The following ENTHD1 variants were observed in gnomAD, a reference collection of about 807,000 sequenced individuals.
ENTHD1 encodes ENTH domain containing 1.
In ENTHD1, 23 loss-of-function variants were observed where a neutral mutation model predicts 39.1. That is an observed-to-expected ratio of 0.59 (90% CI 0.42 to 0.83). The LOEUF is 0.83. Among genes scored for constraint, ENTHD1 ranks in the 40% least tolerant of loss-of-function variants. ENTHD1 has a pLI of 0.00. For synonymous variants in ENTHD1, 230 were observed against 258.2 expected, an observed-to-expected ratio of 0.89 and a Z score of 1.05; for missense variants, 624 against 705.4, an observed-to-expected ratio of 0.88 and a Z score of 1.31.
rs568240634 is a variant in ENTHD1 at position 39,854,643 on chromosome 22, C to T, written c.592+7122G>A. On this transcript the variant is annotated intron_variant, in intron 3 of 6. Transcript: ENST00000325157. Reference sequence around the variant, plus strand: ...CTCTTCCTTCAAACTTCAAAAGCATCGAAACAAAAACCACCCAGGCTATCT... The same window carrying T: ...CTCTTCCTTCAAACTTCAAAAGCATTGAAACAAAAACCACCCAGGCTATCT... Among the ~76,000 whole-genome samples, 4 of 151,476 alleles carry T rather than the reference C, an allele frequency of 2.6e-5. No homozygotes were observed. In the East Asian group the frequency reaches 5.8e-4, roughly 22 times the overall value.
intron 1 of ENTHD1, among the ~76,000 whole-genome samples, chr22:39,888,260 CTTT>C (rs61092462): frequency 2.3e-3 from 256 of 110,650 alleles, no homozygotes; most frequent in African/African-American, 8.5e-3. Context: ...TTCTTTCTTT[CTTT>C]TTTTTTTTTT....
chr22:39,772,547 T>C (rs1650949697), intron 5 of ENTHD1, among the ~76,000 whole-genome samples: 2 of 152,278 alleles, frequency 1.3e-5, no homozygotes, highest in South Asian at 4.2e-4. Flanking sequence ...TTCTAAAAAT[T>C]ATTGACTTAG....
chr22:39,852,716 T>G (rs1389257084), intron 3 of ENTHD1, among the ~76,000 whole-genome samples: 1 of 152,166 alleles, frequency 6.6e-6, no homozygotes, highest in Non-Finnish European at 1.5e-5. Context: ...TAAGAATTTG[T>G]GTGTCTAAAC....
Position 39,861,967 on chromosome 22 carries a change from C to T in ENTHD1, c.390G>A (p.Leu130=). 1 of 1,552,414 alleles carries T rather than the reference C, an allele frequency of 6.4e-7. No individual in the cohort carries two copies. The highest frequency in any genetic ancestry group is 8.8e-7 in the Non-Finnish European group (1 of 1,139,846). ...TACACAGCAATGGTTCATCCATCAG[C>T]AATGTGATGACTTGCTTAGATTTTT... ...IREKSKQVIT[L]LMDEPLLCKE... Residue 130 remains leucine, a synonymous_variant, in exon 3 of 7, where the codon TTG becomes TTA. Coordinates refer to ENST00000325157, the MANE Select transcript of ENTHD1 (RefSeq NM_152512.4).
intron 5 of ENTHD1, among the ~76,000 whole-genome samples, chr22:39,766,152 G>C (rs566882323): frequency 6.6e-6 from 1 of 151,476 alleles, no homozygotes; most frequent in Admixed American, 6.6e-5. Context: ...TTAGGTAGAA[G>C]CTTAATTTTA....
intron 4 of ENTHD1, among the ~76,000 whole-genome samples, chr22:39,827,050 C>G (rs941474004): frequency 6.8e-6 from 1 of 147,854 alleles, no homozygotes; most frequent in African/African-American, 2.5e-5. Flanking sequence ...GAGTCTCTCT[C>G]TGTCACCCAG....
intron 3 of ENTHD1, among the ~76,000 whole-genome samples, chr22:39,836,784 G>A (rs1300746806): frequency 6.6e-6 from 1 of 152,114 alleles, no homozygotes; most frequent in Admixed American, 6.6e-5. Flanking sequence ...TCTCATGAGA[G>A]CTGGTTGTTT....
intron 5 of ENTHD1, among the ~76,000 whole-genome samples, chr22:39,810,686 A>G (rs1231492486): frequency 6.6e-6 from 1 of 152,206 alleles, no homozygotes; most frequent in Non-Finnish European, 1.5e-5. Flanking sequence ...ATGACGGTAG[A>G]TTATTGCAAA....
chr22:39,844,960 A>G (rs960597364), intron 3 of ENTHD1, among the ~76,000 whole-genome samples: 4 of 152,180 alleles, frequency 2.6e-5, no homozygotes, highest in Non-Finnish European at 5.9e-5. Context: ...ACATACCTCA[A>G]CTAGGTAGAA....
At chr22:39,888,260 C>CTTTTTTTTTTTTTTTT (rs61092462) in intron 1 of ENTHD1, among the ~76,000 whole-genome samples, 1 of 110,644 alleles carries the variant, frequency 9.0e-6, no homozygotes, top group Non-Finnish European at 1.7e-5. Flanking sequence ...TTCTTTCTTT[C>CTTTTTTTTTTTTTTTT]TTTTTTTTTT....
At chr22:39,784,527 T>G (rs1050966996) in intron 5 of ENTHD1, among the ~76,000 whole-genome samples, 5 of 138,232 alleles carry the variant, frequency 3.6e-5, no homozygotes, top group East Asian at 2.1e-4. Context: ...GAAAATGCGC[T>G]CTCTCTCTCT....
intron 2 of ENTHD1, chr22:39,876,160 C>A: frequency 6.6e-7 from 1 of 1,511,232 alleles, no homozygotes; most frequent in Non-Finnish European, 8.9e-7. Flanking sequence ...TTTATGTCAC[C>A]TCAGGAGACT....
intron 5 of ENTHD1, among the ~76,000 whole-genome samples, chr22:39,797,637 T>C (rs1042557925): frequency 2.0e-5 from 3 of 152,176 alleles, no homozygotes; most frequent in Admixed American, 6.5e-5. Flanking sequence ...CTAGTGGTGA[T>C]GAATTCCCTC....
chr22:39,834,256 G>C (rs2065892375), intron 4 of ENTHD1, among the ~76,000 whole-genome samples: 1 of 152,048 alleles, frequency 6.6e-6, no homozygotes, highest in African/African-American at 2.4e-5. Flanking sequence ...CTTATATCCA[G>C]AATATGTGAA....
intron 5 of ENTHD1, among the ~76,000 whole-genome samples, chr22:39,817,193 G>A (rs1052755970): frequency 6.6e-6 from 1 of 152,184 alleles, no homozygotes; most frequent in African/African-American, 2.4e-5. Context: ...CTGAAGGGCT[G>A]TTTGGCTGTA....
chr22:39,846,002 G>C (rs185385641), intron 3 of ENTHD1, among the ~76,000 whole-genome samples: 1 of 151,680 alleles, frequency 6.6e-6, no homozygotes, highest in East Asian at 1.9e-4. Context: ...ACAGAACAGA[G>C]AGCCCAGAAA....
At chr22:39,785,423 A>G (rs1443982851) in intron 5 of ENTHD1, among the ~76,000 whole-genome samples, 2 of 152,066 alleles carry the variant, frequency 1.3e-5, no homozygotes, top group African/African-American at 4.8e-5. Flanking sequence ...GTCGGCTTTG[A>G]TCTGCTTTGA....
chr22:39,794,340 T>C (rs149967183), intron 5 of ENTHD1, among the ~76,000 whole-genome samples: 25 of 152,330 alleles, frequency 1.6e-4, no homozygotes, highest in African/African-American at 1.2e-4. Context: ...ATTTATCAGA[T>C]CTAAGAGTTT....
intron 3 of ENTHD1, among the ~76,000 whole-genome samples, chr22:39,847,648 T>C (rs1475152991): frequency 6.6e-6 from 1 of 151,688 alleles, no homozygotes; most frequent in East Asian, 1.9e-4. Context: ...CGCCTTGATC[T>C]CCCAAAGTGC....
Sources: allele counts gnomAD v4.1 joint callset (sites outside exome capture counted in the v4.1 genomes callset), GRCh38; gene constraint gnomAD v4.1.1; transcripts MANE v1.5; gene names NCBI Gene and HGNC (gene_info 2026-07-23, HGNC 2026-07-21).